The following USP6NL variants were observed in gnomAD, a reference collection of about 807,000 sequenced individuals.
USP6NL encodes USP6 N-terminal like, also known as USP6 N-terminal-like protein.
Under a neutral mutation model 61.9 loss-of-function variants are expected in USP6NL, and 26 were observed. That is an observed-to-expected ratio of 0.42 (90% CI 0.31 to 0.58). The LOEUF is 0.58. Among genes scored for constraint, USP6NL ranks in the 20% least tolerant of loss-of-function variants. USP6NL has a pLI of 0.16. For missense variants in USP6NL, 1,114 were observed against 1,034.3 expected (o/e 1.08, Z -1.06); for synonymous variants, 432 against 390.1 (o/e 1.11, Z -1.27).
intron 2 of USP6NL, among the ~76,000 whole-genome samples, chr10:11,578,973 C>T (rs1309625472): frequency 4.6e-5 from 7 of 152,114 alleles, no homozygotes; most frequent in Non-Finnish European, 1.5e-5. Context: ...TTAGCAAACA[C>T]TACAATCGGG....
chr10:11,467,079 T>C (rs1322270911), intron 14 of USP6NL, among the ~76,000 whole-genome samples: 1 of 152,182 alleles, frequency 6.6e-6, no homozygotes, highest in African/African-American at 2.4e-5. Context: ...ACATTAATTA[T>C]ACCTCCCCAT....
intron 2 of USP6NL, among the ~76,000 whole-genome samples, chr10:11,568,832 G>C (rs1837261071): frequency 6.6e-6 from 1 of 152,230 alleles, no homozygotes; most frequent in Non-Finnish European, 1.5e-5. Flanking sequence ...TAACAGAAAA[G>C]CAGAGGTGAC....
intron 2 of USP6NL, among the ~76,000 whole-genome samples, chr10:11,566,394 C>G (rs567320647): frequency 2.3e-4 from 35 of 152,302 alleles, no homozygotes; most frequent in Admixed American, 2.2e-3. Context: ...TACCAAACGC[C>G]ACATATTTAC....
Position 11,461,967 on chromosome 10 carries a change from GT to G in USP6NL, c.*473del, listed in dbSNP as rs1208014519. On this transcript the variant is annotated 3_prime_UTR_variant, in exon 15 of 15. Transcript: ENST00000609104. ...ATTCCATGGATCTGGATTAAAAGTA[GT>G]TTTTTAAAAAACGTTTCTTTAGCTC... 1.3e-5 allele frequency: 2 copies of G among 153,556 alleles called. No homozygotes were observed. Among genetic ancestry groups the G allele is most frequent in the African/African-American group, 4.8e-5 (2 of 41,458 alleles). The allele number at this position is 153,556 out of a possible 1,614,324, so 9.5% of individuals were successfully genotyped here. A position where few individuals can be genotyped will look rare whatever the true frequency, so the allele number is the denominator to read the frequency against.
chr10:11,502,258 C>CAA lies in USP6NL; in HGVS notation c.277-1052_277-1051dup, dbSNP rs58597235. Among the ~76,000 whole-genome samples, 368 of 96,948 alleles carry CAA rather than the reference C, an allele frequency of 3.8e-3. 5 individuals carry two copies. Among genetic ancestry groups the CAA allele is most frequent in the African/African-American group, 0.011 (306 of 26,826 alleles). 63.6% of individuals were successfully genotyped at this position (96,948 alleles called of 152,430 possible). A position where few individuals can be genotyped will look rare whatever the true frequency, so the allele number is the denominator to read the frequency against. On this transcript the variant is annotated intron_variant, in intron 6 of 14. Coordinates refer to ENST00000609104, the MANE Select transcript of USP6NL (RefSeq NM_014688.5). ...TGGGCAACAGAGTGAGACTCCATCT[C>CAA]AAAAAAAAAAAAAAAAGAAACATTT...
Position 11,540,742 on chromosome 10 carries a change from T to C in USP6NL, c.5-13175A>G, listed in dbSNP as rs72777667. Among the ~76,000 whole-genome samples the C allele has an allele frequency of 3.5e-3, 526 of 152,218 alleles. 2 individuals carry two copies. Among genetic ancestry groups the C allele is most frequent in the Non-Finnish European group, 6.1e-3 (415 of 67,996 alleles). On this transcript the variant is annotated intron_variant, in intron 2 of 14. Transcript: ENST00000609104. This position sits in a 1 kb window ranked among gnomAD's most constrained non-coding sequence, Gnocchi z 5.0. Reference sequence around the variant, plus strand: ...TTTCTACCCTTTAAATAAAAAATAATGTGCAAAAGCCAAACTGTGCCTAAA... The same window carrying C: ...TTTCTACCCTTTAAATAAAAAATAACGTGCAAAAGCCAAACTGTGCCTAAA...
At chr10:11,568,894 T>C (rs1299539583) in intron 2 of USP6NL, among the ~76,000 whole-genome samples, 2 of 152,226 alleles carry the variant, frequency 1.3e-5, no homozygotes, top group Non-Finnish European at 2.9e-5. Context: ...GGCTTTTGCT[T>C]ACATCTTAAG....
chr10:11,532,385 C>G lies in USP6NL; in HGVS notation c.5-4818G>C, dbSNP rs1835695323. On this transcript the variant is annotated intron_variant, in intron 2 of 14. Transcript: ENST00000609104. This position sits in a 1 kb window ranked among gnomAD's most constrained non-coding sequence, Gnocchi z 4.1. ...CTTTAAACTATCTGTGAAACAAGCA[C>G]AAGAAGAAAAAGTTTGAGATGCACT... 5.2e-6 allele frequency: 3 copies of G among 579,522 alleles called. No individual in the cohort carries two copies. The highest frequency in any genetic ancestry group is 8.5e-6 in the Non-Finnish European group (3 of 351,628). 35.9% of individuals were successfully genotyped at this position (579,522 alleles called of 1,614,324 possible).
At chr10:11,483,199 A>C (rs527814984) in intron 13 of USP6NL, among the ~76,000 whole-genome samples, 1 of 152,224 alleles carries the variant, frequency 6.6e-6, no homozygotes, top group South Asian at 2.1e-4. Flanking sequence ...TCTAACCAAG[A>C]AAAATACACA....
intron 6 of USP6NL, 135 bp from the exon 7 acceptor site, chr10:11,501,343 T>C (rs1834182343): frequency 1.5e-6 from 1 of 662,268 alleles, no homozygotes; most frequent in South Asian, 2.3e-5. Flanking sequence ...CATTTCAACA[T>C]GGCACATGGA....
rs1276930839 is a variant in USP6NL, at chr10:11,491,156, T to C, written c.495-276A>G. ...GCCTTCTTTTGCTGATCTATCTCAC[T>C]TTGAGACCCTTCTGATAGAAGCAGC... is the stretch of plus-strand genomic sequence containing the variant. On this transcript the variant is annotated intron_variant, in intron 8 of 14. Transcript: ENST00000609104. This position sits in a 1 kb window ranked among gnomAD's most constrained non-coding sequence, Gnocchi z 4.7. 6.6e-6 allele frequency among the ~76,000 whole-genome samples: 1 copy of C among 152,200 alleles called. No homozygotes were observed. Among genetic ancestry groups the C allele is most frequent in the Non-Finnish European group, 1.5e-5 (1 of 68,030 alleles).
chr10:11,576,540 T>C (rs552556587), intron 2 of USP6NL, among the ~76,000 whole-genome samples: 115 of 152,248 alleles, frequency 7.6e-4, no homozygotes, highest in African/African-American at 2.7e-3. Flanking sequence ...TTCCACGACG[T>C]GAGGAGAAGC....
At position 11,463,762 on chromosome 10, in the gene USP6NL, T is replaced by G. The variant is rs760452035; in HGVS notation, c.1166A>C (p.Gln389Pro). 6.4e-7 allele frequency: 1 copy of G among 1,565,860 alleles called. No individual in the cohort carries two copies. Among genetic ancestry groups the G allele is most frequent in the African/African-American group, 1.4e-5 (1 of 73,470 alleles). The change falls in exon 15 of 15, where the codon CAG becomes CCG. Residue 389 changes from glutamine (Q) to proline (P), a missense_variant. Physicochemically the swap from Gln to Pro is moderately conservative, Grantham distance 76. Coordinates refer to ENST00000609104, the MANE Select transcript of USP6NL (RefSeq NM_014688.5). The surrounding 1 kb of genome is among the most constrained non-coding windows in gnomAD (Gnocchi z 6.3). ...SWGVHHLSNG[Q>P]RSVGRPSPLA... The stretch of plus-strand genomic sequence containing the variant: ...CGGGCTCGGCCGGCCCACGCTCCTC[T>G]GTCCGTTGCTCAAGTGATGGACGCC...
chr10:11,526,431 T>TG (rs1444952530), intron 3 of USP6NL, among the ~76,000 whole-genome samples: 2 of 152,150 alleles, frequency 1.3e-5, no homozygotes, highest in Middle Eastern at 6.8e-3. Flanking sequence ...GTTAATTGTG[T>TG]GGGGAAAAAA....
At position 11,462,910 on chromosome 10, in the gene USP6NL, G is replaced by C; in HGVS notation, c.2018C>G (p.Ser673Cys). Residue 673 changes from serine to cysteine, a missense_variant, in exon 15 of 15, where the codon TCT becomes TGT. Coordinates refer to ENST00000609104, the MANE Select transcript of USP6NL (RefSeq NM_014688.5). ...CGGAGAAGCACTGACGGAAAGAGTA[G>C]AACCATGAGGTCTCCTGGAAGGATT... ...QLNPSRRPHGSTLSVSASPEK... is the reference protein window; with the variant it reads ...QLNPSRRPHGCTLSVSASPEK... 6.2e-7 allele frequency: 1 copy of C among 1,613,588 alleles called. No individual in the cohort carries two copies. The highest frequency in any genetic ancestry group is 8.5e-7 in the Non-Finnish European group (1 of 1,179,682).
chr10:11,566,832 C>T (rs771206413), intron 2 of USP6NL, among the ~76,000 whole-genome samples: 8 of 152,212 alleles, frequency 5.3e-5, no homozygotes, highest in Non-Finnish European at 1.2e-4. Flanking sequence ...AGGAATGGTG[C>T]GGGGCACAGT....
At chr10:11,550,276 C>T (rs986376000) in intron 2 of USP6NL, among the ~76,000 whole-genome samples, 1 of 151,792 alleles carries the variant, frequency 6.6e-6, no homozygotes, top group Admixed American at 6.6e-5. Context: ...AAATAGAGCT[C>T]ATCAAAATTA....
At position 11,485,778 on chromosome 10, in the gene USP6NL, G is replaced by A. The variant is rs1183504278; in HGVS notation, c.759+39C>T. ...TAATTATCCCAGCTTTTTTTGGGGG[G>A]TGGGTAGGTGGGTGTAAGTCAGTGG... On this transcript the variant is annotated intron_variant, in intron 11 of 14. Transcript: ENST00000609104. The surrounding 1 kb of genome is among the most constrained non-coding windows in gnomAD (Gnocchi z 4.8). 1 of 1,333,466 alleles carries A rather than the reference G, an allele frequency of 7.5e-7. No homozygotes were observed. Among genetic ancestry groups the A allele is most frequent in the East Asian group, 2.6e-5 (1 of 38,712 alleles). 82.6% of individuals were successfully genotyped at this position (1,333,466 alleles called of 1,614,324 possible).
intron 14 of USP6NL, among the ~76,000 whole-genome samples, chr10:11,469,298 A>G (rs1189889305): frequency 1.3e-5 from 2 of 152,234 alleles, no homozygotes; most frequent in Non-Finnish European, 2.9e-5. Flanking sequence ...GCATAATACA[A>G]TCACAAGGAA....
Sources: allele counts gnomAD v4.1 joint callset (sites outside exome capture counted in the v4.1 genomes callset), GRCh38; gene constraint gnomAD v4.1.1; non-coding constraint Gnocchi (gnomAD v3.1); transcripts MANE v1.5; gene names NCBI Gene and HGNC (gene_info 2026-07-23, HGNC 2026-07-21).